SPACA7: variants seen among roughly 807,000 people sequenced by gnomAD.
SPACA7 encodes sperm acrosome-associated protein 7.
Under a neutral mutation model 26.3 loss-of-function variants are expected in SPACA7, and 19 were observed. The ratio of observed to expected loss-of-function variants is 0.72; its 90% confidence interval spans 0.50 to 1.06. SPACA7 has a LOEUF of 1.06. SPACA7 is among the 50% of genes least tolerant of loss of function. The probability of loss-of-function intolerance (pLI) is 0.00; values close to 1 mark genes in which losing one functional copy is unlikely to be tolerated. For missense variants in SPACA7, 211 were observed against 229.9 expected, an observed-to-expected ratio of 0.92 and a Z score of 0.53; for synonymous variants, 84 against 84.5, an observed-to-expected ratio of 0.99 and a Z score of 0.04.
intron 1 of SPACA7, among the ~76,000 whole-genome samples, chr13:112,379,609 A>G (rs1008022908): frequency 1.3e-5 from 2 of 152,228 alleles, no homozygotes; most frequent in East Asian, 3.8e-4. Flanking sequence ...CTTATAACAT[A>G]TATGCATACA....
intron 4 of SPACA7, among the ~76,000 whole-genome samples, chr13:112,399,511 T>A (rs1885501570): frequency 6.6e-6 from 1 of 152,232 alleles, no homozygotes; most frequent in African/African-American, 2.4e-5. Flanking sequence ...TCACTTCTCC[T>A]TCACAGGGCA....
intron 2 of SPACA7, among the ~76,000 whole-genome samples, chr13:112,395,701 C>G (rs547432589): frequency 1.3e-5 from 2 of 152,288 alleles, no homozygotes; most frequent in Admixed American, 1.3e-4. Context: ...AAGTCCTAAC[C>G]TCAGGTGATC....
At chr13:112,408,779 G>A (rs1886157342) in intron 5 of SPACA7, among the ~76,000 whole-genome samples, 1 of 152,088 alleles carries the variant, frequency 6.6e-6, no homozygotes, top group Non-Finnish European at 1.5e-5. Flanking sequence ...CATGAAAATG[G>A]CCATACTGCC....
intron 5 of SPACA7, among the ~76,000 whole-genome samples, chr13:112,414,233 C>A (rs1886531708): frequency 6.6e-6 from 1 of 151,180 alleles, no homozygotes; most frequent in Admixed American, 6.6e-5. Context: ...AAGCCTGATT[C>A]TCCTGCCTGA....
At position 112,391,951 on chromosome 13, in the gene SPACA7, C is replaced by T. The variant is rs563745164; in HGVS notation, c.95-1070C>T. On this transcript the variant is annotated intron_variant, in intron 1 of 6. Transcript: ENST00000283550. ...CCGCATTGTTCTGAGCCTGCATGTG[C>T]GCAGACGAGTCGATTGGTATGCAGA... Among the ~76,000 whole-genome samples, 13 of 152,278 alleles carry T rather than the reference C, an allele frequency of 8.5e-5. No individual in the cohort carries two copies. The South Asian group carries it at 2.3e-3, about 27-fold the overall frequency.
At position 112,398,095 on chromosome 13, in the gene SPACA7, G is replaced by A. The variant is rs747335229; in HGVS notation, c.198G>A (p.Pro66=). 2.2e-5 allele frequency: 36 copies of A among 1,613,856 alleles called. No homozygotes were observed. The highest frequency in any genetic ancestry group is 1.2e-4 in the African/African-American group (9 of 74,908). ...TTTTAGATCTGAATAAAACAACACC[G>A]AGCGAAATGCCAAGTACAGCATCAA... is the stretch of plus-strand genomic sequence containing the variant. The part of the protein sequence containing the change: ...QEILDLNKTT[P]SEMPSTASTL... The change falls in exon 3 of 7, where the codon CCG becomes CCA. Residue 66 remains proline (P), a synonymous_variant. Coordinates refer to ENST00000283550, the MANE Select transcript of SPACA7 (RefSeq NM_145248.5).
intron 2 of SPACA7, among the ~76,000 whole-genome samples, chr13:112,396,345 C>T (rs1292898661): frequency 6.6e-6 from 1 of 152,142 alleles, no homozygotes; most frequent in Non-Finnish European, 1.5e-5. Flanking sequence ...GGAGGGCTCA[C>T]TTCTTAGGGC....
intron 1 of SPACA7, among the ~76,000 whole-genome samples, chr13:112,381,068 T>TG (rs35188440): frequency 0.47 from 70,701 of 151,980 alleles, 16,603 homozygotes; most frequent in South Asian, 0.6. Flanking sequence ...TAAGAAAACT[T>TG]TGCTTAGTAC....
chr13:112,379,344 AG>A (rs1297857768), intron 1 of SPACA7, among the ~76,000 whole-genome samples: 3 of 152,224 alleles, frequency 2.0e-5, no homozygotes, highest in Non-Finnish European at 4.4e-5. Context: ...TGATTGCAAA[AG>A]CTTTCAAAAA....
chr13:112,380,560 G>A (rs893660634), intron 1 of SPACA7, among the ~76,000 whole-genome samples: 34 of 152,172 alleles, frequency 2.2e-4, no homozygotes, highest in African/African-American at 8.2e-4. Flanking sequence ...TACTGCTAGT[G>A]TATCTTCACC....
intron 5 of SPACA7, among the ~76,000 whole-genome samples, chr13:112,406,642 T>C (rs937681063): frequency 4.6e-5 from 7 of 152,148 alleles, no homozygotes; most frequent in African/African-American, 1.7e-4. Flanking sequence ...GAAATATAAA[T>C]CAACACTACA....
chr13:112,428,858 C>T (rs868083752), intron 5 of SPACA7, among the ~76,000 whole-genome samples: 7 of 152,222 alleles, frequency 4.6e-5, no homozygotes, highest in African/African-American at 7.2e-5. Context: ...TCAATTAGAT[C>T]AAGTATGCTA....
At chr13:112,378,616 A>G (rs943958311) in intron 1 of SPACA7, 13 of 469,266 alleles carry the variant, frequency 2.8e-5, no homozygotes, top group African/African-American at 2.6e-4. Flanking sequence ...GTACCTAAAG[A>G]CTTGGGTGAA....
At chr13:112,414,838 G>A (rs952762824) in intron 5 of SPACA7, among the ~76,000 whole-genome samples, 1 of 152,194 alleles carries the variant, frequency 6.6e-6, no homozygotes, top group African/African-American at 2.4e-5. Flanking sequence ...ATTTGACGGA[G>A]TCATATTTTT....
At chr13:112,397,939 A>C in intron 2 of SPACA7, 110 bp from the exon 3 acceptor site, 1 of 549,810 alleles carries the variant, frequency 1.8e-6, no homozygotes, top group East Asian at 4.2e-5. Context: ...TCCTGTTTGT[A>C]CAGGAACTGT....
chr13:112,386,130 G>C (rs891884737), intron 1 of SPACA7, among the ~76,000 whole-genome samples: 1 of 152,216 alleles, frequency 6.6e-6, no homozygotes, highest in South Asian at 2.1e-4. Context: ...TTTATTGCGA[G>C]GCAACCCAAA....
chr13:112,422,731 G>C (rs1361130066), intron 5 of SPACA7, among the ~76,000 whole-genome samples: 1 of 152,178 alleles, frequency 6.6e-6, no homozygotes, highest in Non-Finnish European at 1.5e-5. Context: ...ATTCAAAAAT[G>C]TTTAACCCTT....
intron 5 of SPACA7, among the ~76,000 whole-genome samples, chr13:112,413,816 G>A (rs1886507783): frequency 6.6e-6 from 1 of 152,092 alleles, no homozygotes; most frequent in Admixed American, 6.6e-5. Flanking sequence ...TCCCTTTTGT[G>A]TTGCCATAAT....
At chr13:112,387,097 G>A (rs1884576028) in intron 1 of SPACA7, among the ~76,000 whole-genome samples, 1 of 152,204 alleles carries the variant, frequency 6.6e-6, no homozygotes, top group Non-Finnish European at 1.5e-5. Flanking sequence ...TAGCTACTGA[G>A]TTACAGCATT....
Sources: gnomAD v4.1 joint callset for allele counts (sites outside exome capture counted in the v4.1 genomes callset) on GRCh38, gnomAD v4.1.1 for gene constraint, MANE v1.5 for transcripts, NCBI Gene and HGNC (gene_info 2026-07-23, HGNC 2026-07-21) for gene names.